Variants in MAGT1 observed in about 807,000 individuals in gnomAD.
MAGT1 encodes dolichyl-diphosphooligosaccharide--protein glycosyltransferase subunit MAGT1.
Under a neutral mutation model 28.4 loss-of-function variants are expected in MAGT1, and 4 were observed. The observed-to-expected ratio is 0.14, with a 90% CI of 0.07 to 0.32. MAGT1 has a LOEUF of 0.32. Among genes scored for constraint, MAGT1 ranks in the 10% least tolerant of loss-of-function variants. The pLI, the probability that MAGT1 is intolerant of heterozygous loss-of-function variation, is 1.00. For missense variants in MAGT1, 193 were observed against 264.5 expected (o/e 0.73, Z 1.88); for synonymous variants, 89 against 89.7 (o/e 0.99, Z 0.04).
chrX:77,845,538 G>A (rs183827812), intron 7 of MAGT1, among the ~76,000 whole-genome samples: 7 of 111,850 alleles, frequency 6.3e-5, no homozygotes, highest in Admixed American at 2.9e-4. Flanking sequence ...AGCATCAATG[G>A]TCTTTACAAT....
At chrX:77,842,610 T>C (rs1174391562) in intron 7 of MAGT1, among the ~76,000 whole-genome samples, 1 of 111,119 alleles carries the variant, frequency 9.0e-6, no homozygotes, top group African/African-American at 3.3e-5. Flanking sequence ...GCGGATCACC[T>C]TAAGTCAGGA....
At chrX:77,862,453 T>C (rs782652774) in intron 3 of MAGT1, among the ~76,000 whole-genome samples, 7 of 111,667 alleles carry the variant, frequency 6.3e-5, no homozygotes, top group Non-Finnish European at 1.3e-4. Context: ...AAACTATTCA[T>C]TCAACAAGGA....
At chrX:77,844,366 T>C (rs1309157246) in intron 7 of MAGT1, among the ~76,000 whole-genome samples, 4 of 111,603 alleles carry the variant, frequency 3.6e-5, no homozygotes, top group Non-Finnish European at 5.6e-5. Context: ...TTGCTAGCGG[T>C]CTATCAATTT....
chrX:77,870,761 C>A (rs375468614), intron 3 of MAGT1, 47 bp downstream of exon 3: 182 of 866,454 alleles, frequency 2.1e-4, no homozygotes, highest in Non-Finnish European at 2.8e-4. Context: ...TCCACTTTCA[C>A]TATATTTTAC....
At chrX:77,840,191 G>C (rs1332493828) in intron 8 of MAGT1, among the ~76,000 whole-genome samples, 3 of 103,549 alleles carry the variant, frequency 2.9e-5, no homozygotes, top group Non-Finnish European at 5.9e-5. Flanking sequence ...CCTGAGGTCA[G>C]GAGTTCAAGA....
At chrX:77,860,277 A>C (rs1035553067) in intron 3 of MAGT1, among the ~76,000 whole-genome samples, 16 of 109,609 alleles carry the variant, frequency 1.5e-4, no homozygotes, top group Admixed American at 1.1e-3. Context: ...CAGTAGAGAC[A>C]AGGTTTCGCC....
chrX:77,851,527 C>T (rs1441016546), intron 7 of MAGT1, among the ~76,000 whole-genome samples: 1 of 111,785 alleles, frequency 8.9e-6, no homozygotes, highest in Non-Finnish European at 1.9e-5. Context: ...GCGTGCACCA[C>T]CATGCCTGGC....
intron 3 of MAGT1, among the ~76,000 whole-genome samples, 158 bp from the exon 4 acceptor site, chrX:77,857,655 C>T (rs1557216127): frequency 1.8e-5 from 2 of 111,595 alleles, no homozygotes; most frequent in East Asian, 2.8e-4. Flanking sequence ...AGTGGTGGAG[C>T]AGGCTTTAAA....
chrX:77,880,818 C>T (rs1449215957), intron 1 of MAGT1, among the ~76,000 whole-genome samples: 4 of 108,370 alleles, frequency 3.7e-5, no homozygotes, highest in Non-Finnish European at 5.7e-5. Context: ...GTTAGCTGGG[C>T]GTGGTGGCAC....
chrX:77,831,292 C>A (rs2076898024), intron 8 of MAGT1, among the ~76,000 whole-genome samples: 1 of 111,409 alleles, frequency 9.0e-6, no homozygotes, highest in Non-Finnish European at 1.9e-5. Context: ...GCTGGGATTA[C>A]AGGCTTGAGC....
At chrX:77,877,608 T>C (rs2077038981) in intron 1 of MAGT1, among the ~76,000 whole-genome samples, 1 of 106,758 alleles carries the variant, frequency 9.4e-6, no homozygotes, top group Non-Finnish European at 1.9e-5. Flanking sequence ...AGGTAAGGAG[T>C]TCGAGAACAG....
intron 3 of MAGT1, among the ~76,000 whole-genome samples, chrX:77,869,743 A>C (rs1404297459): frequency 9.0e-6 from 1 of 111,532 alleles, no homozygotes; most frequent in Non-Finnish European, 1.9e-5. Flanking sequence ...CAAAACAAAA[A>C]AAAACAAAGA....
At chrX:77,841,211 G>C in intron 8 of MAGT1, 35 bp downstream of exon 8, 2 of 1,017,724 alleles carry the variant, frequency 2.0e-6, no homozygotes, top group Non-Finnish European at 2.8e-6. Context: ...CCATAGTACA[G>C]GCAGCACTGT....
At chrX:77,895,476 A>C (rs913458526), upstream of MAGT1, 42 of 1,182,826 alleles carry the variant, frequency 3.6e-5, no homozygotes, top group Non-Finnish European at 4.5e-5. Context: ...GGGCGTGAGA[A>C]CAGGCAAATC....
At chrX:77,834,580 C>T (rs1474113910) in intron 8 of MAGT1, among the ~76,000 whole-genome samples, 4 of 110,191 alleles carry the variant, frequency 3.6e-5, no homozygotes, top group African/African-American at 1.3e-4. Flanking sequence ...GTGATCTGCC[C>T]TTCTTGGCCT....
intron 6 of MAGT1, among the ~76,000 whole-genome samples, chrX:77,855,165 T>C (rs919639506): frequency 1.8e-5 from 2 of 110,721 alleles, no homozygotes; most frequent in Non-Finnish European, 3.8e-5. Flanking sequence ...AATACAAAAT[T>C]AGCTGGGCGT....
chrX:77,841,851 ATT>A (rs34014897), intron 7 of MAGT1, among the ~76,000 whole-genome samples: 1 of 80,023 alleles, frequency 1.2e-5, no homozygotes. Context: ...AAATTCTGTA[ATT>A]TTTTTTTTTT....
At chrX:77,869,776 G>T (rs2149023325) in intron 3 of MAGT1, among the ~76,000 whole-genome samples, 1 of 109,751 alleles carries the variant, frequency 9.1e-6, no homozygotes, top group Admixed American at 9.8e-5. Flanking sequence ...GTAGTGAAAA[G>T]GGAACACTTT....
intron 3 of MAGT1, among the ~76,000 whole-genome samples, chrX:77,861,133 C>T (rs1557216440): frequency 1.8e-5 from 2 of 108,688 alleles, no homozygotes; most frequent in East Asian, 5.7e-4. Context: ...GAGCCGAGAT[C>T]GTGCCATTGT....
Sources: gnomAD v4.1 joint callset for allele counts (sites outside exome capture counted in the v4.1 genomes callset) on GRCh38, gnomAD v4.1.1 for gene constraint, MANE v1.5 for transcripts, NCBI Gene and HGNC (gene_info 2026-07-23, HGNC 2026-07-21) for gene names.